The following RNF135 variants were observed in gnomAD, a reference collection of about 807,000 sequenced individuals.
RNF135 encodes ring finger protein 135.
A neutral mutation model predicts 41.9 loss-of-function variants in RNF135; 46 were observed. The ratio of observed to expected loss-of-function variants is 1.10; its 90% CI spans 0.87 to 1.40. The LOEUF is 1.40. RNF135 is among the 40% of genes most tolerant of loss of function. The pLI, the probability that RNF135 is intolerant of heterozygous loss-of-function variation, is 0.00. For synonymous variants in RNF135, 238 were observed against 223.8 expected, an observed-to-expected ratio of 1.06 and a Z score of -0.57; for missense variants, 539 against 549.8, an observed-to-expected ratio of 0.98 and a Z score of 0.20.
At chr17:30,975,853 A>G (rs1017483197) in intron 1 of RNF135, 15 of 858,952 alleles carry the variant, frequency 1.7e-5, no homozygotes, top group Non-Finnish European at 3.0e-5. Flanking sequence ...GCTGCTGCCA[A>G]GCTCCTAACG....
intron 3 of RNF135, among the ~76,000 whole-genome samples, chr17:30,991,917 A>C (rs1397891891): frequency 6.7e-6 from 1 of 149,832 alleles, no homozygotes; most frequent in Non-Finnish European, 1.5e-5. Flanking sequence ...CCATATAGAC[A>C]TTTTTAAATT....
chr17:30,990,233 C>T (rs1293154886), intron 3 of RNF135, among the ~76,000 whole-genome samples: 1 of 151,416 alleles, frequency 6.6e-6, no homozygotes, highest in East Asian at 1.9e-4. Context: ...ATTCAAAAAT[C>T]AAAACAGGGC....
chr17:30,977,218 GAAAACTAATA>G lies in RNF135; in HGVS notation c.372+5780_372+5789del, dbSNP rs541202872. Among the ~76,000 whole-genome samples the G allele has an allele frequency of 2.6e-3, 397 of 152,248 alleles. 1 individual carries two copies. The highest frequency in any genetic ancestry group is 9.0e-3 in the African/African-American group (372 of 41,540). On this transcript the variant is annotated intron_variant, in intron 1 of 4. Coordinates refer to ENST00000328381, the MANE Select transcript of RNF135 (RefSeq NM_032322.4). ...GCATGAACTACCTAACAAGCAAAAA[GAAAACTAATA>G]AAAACTCTACACTTCAAATTCATCC... is the stretch of plus-strand genomic sequence containing the variant.
the RNF135 span, among the ~76,000 whole-genome samples, chr17:30,961,105 A>G: frequency 6.6e-6 from 1 of 152,188 alleles, no homozygotes; most frequent in South Asian, 2.1e-4. Flanking sequence ...AAGTCACTGC[A>G]TGTGTCAATA....
At chr17:30,983,353 A>ATATATATATATATATAT (rs1420453160) in intron 1 of RNF135, among the ~76,000 whole-genome samples, 5 of 35,734 alleles carry the variant, frequency 1.4e-4, no homozygotes, top group Non-Finnish European at 2.1e-4. Context: ...ATATATATAT[A>ATATATATATATATATAT]TTTTTTTTTT....
the RNF135 span, chr17:30,965,251 C>T: frequency 2.0e-5 from 3 of 151,882 alleles, no homozygotes; most frequent in Non-Finnish European, 2.9e-5. Context: ...GGGACTGAAG[C>T]GATGGCTTGA....
upstream of RNF135, among the ~76,000 whole-genome samples, chr17:30,966,994 T>G (rs1905577049): frequency 6.6e-6 from 1 of 152,108 alleles, no homozygotes; most frequent in Non-Finnish European, 1.5e-5. Flanking sequence ...AAATAGAATT[T>G]ATTGCAAAAG....
chr17:30,970,557 T>A (rs1329327634), upstream of RNF135: 1 of 155,706 alleles, frequency 6.4e-6, no homozygotes, highest in Non-Finnish European at 1.4e-5. Flanking sequence ...ACATCAGCAT[T>A]TTTGAGGACG....
chr17:30,980,457 G>A (rs1907020054), intron 1 of RNF135, among the ~76,000 whole-genome samples: 2 of 138,396 alleles, frequency 1.4e-5, no homozygotes, highest in African/African-American at 2.7e-5. Context: ...CCGGGCAGAG[G>A]AGCCCCTCAC....
At chr17:30,971,550 G>C (rs764064924) in intron 1 of RNF135, 105 bp downstream of exon 1, 1 of 1,377,282 alleles carries the variant, frequency 7.3e-7, no homozygotes, top group Non-Finnish European at 9.3e-7. Flanking sequence ...CTACTTTTAC[G>C]TTCCTTTTCT....
At chr17:30,968,552 A>G (rs1905652331), upstream of RNF135, among the ~76,000 whole-genome samples, 1 of 150,476 alleles carries the variant, frequency 6.6e-6, no homozygotes, top group Non-Finnish European at 1.5e-5. Context: ...CGCCCGGCTA[A>G]TTTTTTTTGT....
intron 3 of RNF135, among the ~76,000 whole-genome samples, chr17:30,988,924 C>CTT (rs572603845): frequency 9.0e-5 from 9 of 99,918 alleles, no homozygotes; most frequent in African/African-American, 1.6e-4. Context: ...TTCTTTCTTT[C>CTT]TTTTTTTTTT....
At position 30,999,241 on chromosome 17, in the gene RNF135, C is replaced by G. The variant is rs1432725982; in HGVS notation, c.*50C>G. ...GTGGTTTCCTGGTCTCTCTCCCTGT[C>G]ATCAATCAGGGTAGTAACTTGACTT... is the stretch of plus-strand genomic sequence containing the variant. On this transcript the variant is annotated 3_prime_UTR_variant, in exon 5 of 5. Transcript: ENST00000328381. 6.4e-7 allele frequency: 1 copy of G among 1,573,378 alleles called. No individual in the cohort carries two copies. The highest frequency in any genetic ancestry group is 8.7e-7 in the Non-Finnish European group (1 of 1,151,812).
chr17:30,976,041 C>G (rs899323444), intron 1 of RNF135: 22 of 256,820 alleles, frequency 8.6e-5, no homozygotes, highest in African/African-American at 2.9e-4. Context: ...GCGTCTCGCT[C>G]TGTTGCCAGA....
rs1422492005 is a variant in RNF135, at chr17:30,997,302, C to T, written c.740C>T (p.Ala247Val). 4 of 1,614,104 alleles carry T rather than the reference C, an allele frequency of 2.5e-6. No individual in the cohort carries two copies. Among genetic ancestry groups the T allele is most frequent in the Non-Finnish European group, 3.4e-6 (4 of 1,179,958 alleles). The change falls in exon 4 of 5, where the codon GCA (alanine) becomes GTA (valine). Residue 247 changes from alanine to valine, a missense_variant. By Grantham distance (64) the Ala-to-Val change is moderately conservative. This residue lies in a region of RNF135 where 262 missense variants were observed against 336.9 expected (regional missense o/e 0.78). Coordinates refer to ENST00000328381, the MANE Select transcript of RNF135 (RefSeq NM_032322.4). The stretch of plus-strand genomic sequence containing the variant: ...CCATTGCCTGACCAGAGCCACCCTG[C>T]ACTCAGGAGAGCTTCTCGGTTTGCT... ...SCPLPDQSHP[A>V]LRRASRFAQW...
intron 1 of RNF135, among the ~76,000 whole-genome samples, chr17:30,979,905 G>A (rs1906909558): frequency 8.1e-6 from 1 of 123,582 alleles, no homozygotes; most frequent in South Asian, 2.6e-4. Flanking sequence ...GCCGGGCAGA[G>A]GGGCTCCTCA....
intron 3 of RNF135, among the ~76,000 whole-genome samples, chr17:30,991,221 G>T (rs1907964678): frequency 6.6e-6 from 1 of 151,846 alleles, no homozygotes; most frequent in Non-Finnish European, 1.5e-5. Context: ...AAATTAGCCA[G>T]TCTTGGTGGT....
Position 30,999,250 on chromosome 17 carries a change from G to C in RNF135, c.*59G>C. 1 of 1,569,584 alleles carries C rather than the reference G, an allele frequency of 6.4e-7. No individual in the cohort carries two copies. Among genetic ancestry groups the C allele is most frequent in the South Asian group, 1.1e-5 (1 of 90,118 alleles). ...TGGTCTCTCTCCCTGTCATCAATCA[G>C]GGTAGTAACTTGACTTAAGAATACC... On this transcript the variant is annotated 3_prime_UTR_variant, in exon 5 of 5. Transcript: ENST00000328381.
chr17:30,976,924 G>A (rs944805159), intron 1 of RNF135, among the ~76,000 whole-genome samples: 5 of 151,910 alleles, frequency 3.3e-5, no homozygotes, highest in African/African-American at 7.3e-5. Context: ...GAAGATTTTT[G>A]TTCATTTACA....
Sources: allele counts gnomAD v4.1 joint callset (sites outside exome capture counted in the v4.1 genomes callset), GRCh38; gene constraint gnomAD v4.1.1; regional missense constraint gnomAD v4.1.1; transcripts MANE v1.5; gene names NCBI Gene and HGNC (gene_info 2026-07-23, HGNC 2026-07-21).